The following SLC25A48 variants were observed in gnomAD, a reference collection of about 807,000 sequenced individuals.
The protein encoded by SLC25A48 is solute carrier family 25 member 48.
A neutral mutation model predicts 32.2 loss-of-function variants in SLC25A48; 29 were observed. That is an observed-to-expected ratio of 0.90 (90% CI 0.67 to 1.23). SLC25A48 has a LOEUF of 1.23. Ranked by LOEUF, SLC25A48 falls within the 50% of genes most tolerant of loss-of-function variation. The pLI is 0.00. For synonymous variants in SLC25A48, 164 were observed against 172.3 expected (o/e 0.95, Z 0.38); for missense variants, 399 against 422.7 (o/e 0.94, Z 0.49).
chr5:135,804,386 C>G (rs11749405), intron 3 of SLC25A48, among the ~76,000 whole-genome samples: 116,384 of 151,548 alleles, frequency 0.77, 45,067 homozygotes, highest in Middle Eastern at 0.86. Flanking sequence ...GGGTTTCCAC[C>G]CATAATGTAC....
At chr5:135,745,992 C>G (rs1467206496) in intron 3 of SLC25A48, among the ~76,000 whole-genome samples, 1 of 152,202 alleles carries the variant, frequency 6.6e-6, no homozygotes, top group African/African-American at 2.4e-5. Flanking sequence ...TGATGCTGCA[C>G]AGGTTAGTCT....
chr5:135,790,519 A>C (rs1475647860), intron 3 of SLC25A48, among the ~76,000 whole-genome samples: 1 of 149,354 alleles, frequency 6.7e-6, no homozygotes, highest in Non-Finnish European at 1.5e-5. Flanking sequence ...ATGTGTGGGT[A>C]CTCCCAGTGA....
At chr5:135,675,709 T>C (rs1753752358) in intron 3 of SLC25A48, among the ~76,000 whole-genome samples, 1 of 152,058 alleles carries the variant, frequency 6.6e-6, no homozygotes, top group African/African-American at 2.4e-5. Flanking sequence ...CATATGAATT[T>C]TAGGGTTACG....
At chr5:135,627,557 T>A (rs1752465493) in intron 1 of SLC25A48, among the ~76,000 whole-genome samples, 1 of 152,196 alleles carries the variant, frequency 6.6e-6, no homozygotes, top group South Asian at 2.1e-4. Context: ...AACTTGTTTC[T>A]TATCTTAAAA....
chr5:135,590,206 T>C (rs1044032950), intron 1 of SLC25A48, among the ~76,000 whole-genome samples: 5 of 152,184 alleles, frequency 3.3e-5, no homozygotes, highest in South Asian at 2.1e-4. Flanking sequence ...CTGGTGCATA[T>C]AGGGCCCCCA....
chr5:135,818,095 C>A (rs1280520484), intron 4 of SLC25A48, among the ~76,000 whole-genome samples: 1 of 144,698 alleles, frequency 6.9e-6, no homozygotes, highest in South Asian at 2.3e-4. Flanking sequence ...CTCTCTCTCT[C>A]TCTCTCTCTC....
intron 3 of SLC25A48, among the ~76,000 whole-genome samples, chr5:135,684,499 T>C (rs1580783163): frequency 6.6e-6 from 1 of 152,124 alleles, no homozygotes; most frequent in Admixed American, 6.5e-5. Flanking sequence ...CTCCACCAGC[T>C]CTGTGGGGAG....
intron 3 of SLC25A48, among the ~76,000 whole-genome samples, chr5:135,658,355 C>T (rs184809003): frequency 9.9e-5 from 15 of 152,278 alleles, no homozygotes; most frequent in Non-Finnish European, 1.5e-4. Flanking sequence ...CCTTTGACTT[C>T]GTGTCTCATA....
At chr5:135,669,147 C>A (rs1753593035) in intron 3 of SLC25A48, among the ~76,000 whole-genome samples, 2 of 152,292 alleles carry the variant, frequency 1.3e-5, no homozygotes, top group South Asian at 2.1e-4. Flanking sequence ...AGAAACAGGC[C>A]ATGAGAGGCC....
intron 4 of SLC25A48, among the ~76,000 whole-genome samples, chr5:135,855,235 A>T (rs1760214636): frequency 6.6e-6 from 1 of 152,234 alleles, no homozygotes; most frequent in Non-Finnish European, 1.5e-5. Context: ...AATGGTGCCG[A>T]TAGCCTTGCT....
chr5:135,691,065 A>G (rs1311664567), intron 3 of SLC25A48, among the ~76,000 whole-genome samples: 2 of 152,134 alleles, frequency 1.3e-5, no homozygotes, highest in Non-Finnish European at 2.9e-5. Flanking sequence ...TGAATTAAGG[A>G]TTTGGCATAA....
intron 1 of SLC25A48, among the ~76,000 whole-genome samples, chr5:135,622,179 C>T (rs568370772): frequency 1.3e-5 from 2 of 152,078 alleles, no homozygotes; most frequent in Admixed American, 1.3e-4. Flanking sequence ...TTAGAAGATC[C>T]AGTGATACTG....
intron 3 of SLC25A48, among the ~76,000 whole-genome samples, chr5:135,747,000 GT>G (rs1036044373): frequency 2.9e-4 from 43 of 145,886 alleles, no homozygotes; most frequent in Admixed American, 2.4e-3. Flanking sequence ...TTTTGTTGTT[GT>G]TTTTTTTTCC....
At chr5:135,887,566 G>T (rs1441598298) in intron 7 of SLC25A48, among the ~76,000 whole-genome samples, 1 of 152,084 alleles carries the variant, frequency 6.6e-6, no homozygotes, top group East Asian at 1.9e-4. Flanking sequence ...GGCAGTAGAG[G>T]TCAACTAAAC....
chr5:135,668,933 T>C (rs1753585210), intron 3 of SLC25A48, among the ~76,000 whole-genome samples: 1 of 152,142 alleles, frequency 6.6e-6, no homozygotes, highest in Non-Finnish European at 1.5e-5. Flanking sequence ...GGTGTGTGAC[T>C]TCAAAGATGT....
At chr5:135,831,391 AG>A (rs1758205695), upstream of SLC25A48, among the ~76,000 whole-genome samples, 1 of 152,228 alleles carries the variant, frequency 6.6e-6, no homozygotes, top group Non-Finnish European at 1.5e-5. Flanking sequence ...GTGCAGAATG[AG>A]GCAGTACCCT....
rs184246642 is a variant in SLC25A48, at chr5:135,839,608, G to A, written c.47-2808G>A. On this transcript the variant is annotated intron_variant, in intron 1 of 7. Coordinates refer to ENST00000681962, the MANE Select transcript of SLC25A48 (RefSeq NM_001349336.2). The stretch of plus-strand genomic sequence containing the variant: ...TAAGACTTTGGGGCGCCGTTGGGAA[G>A]GCATGATTTGTTTTGAAATGTGAGG... 4.6e-5 allele frequency among the ~76,000 whole-genome samples: 7 copies of A among 152,278 alleles called. No individual in the cohort carries two copies. In the South Asian group the frequency reaches 8.3e-4, roughly 18 times the overall value.
At chr5:135,836,660 C>T (rs1758535451) in intron 1 of SLC25A48, among the ~76,000 whole-genome samples, 1 of 152,120 alleles carries the variant, frequency 6.6e-6, no homozygotes, top group African/African-American at 2.4e-5. Flanking sequence ...GTAAATTTGC[C>T]TTTCCTGTAT....
At chr5:135,615,292 CA>C in intron 1 of SLC25A48, among the ~76,000 whole-genome samples, 1 of 152,242 alleles carries the variant, frequency 6.6e-6, no homozygotes, top group East Asian at 1.9e-4. Context: ...TGGTTGTGAA[CA>C]AAATGCTGAT....
Sources: allele counts gnomAD v4.1 joint callset (sites outside exome capture counted in the v4.1 genomes callset), GRCh38; gene constraint gnomAD v4.1.1; transcripts MANE v1.5; gene names NCBI Gene and HGNC (gene_info 2026-07-23, HGNC 2026-07-21).